Variants in SEMA4D observed in about 807,000 individuals in gnomAD.
The protein encoded by SEMA4D is semaphorin 4D.
A neutral mutation model predicts 74.8 loss-of-function variants in SEMA4D; 22 were observed. That is an observed-to-expected ratio of 0.29 (90% CI 0.21 to 0.42). SEMA4D has a LOEUF of 0.42. Ranked by LOEUF, SEMA4D falls within the 10% of genes least tolerant of loss-of-function variation. The pLI is 1.00. For missense variants in SEMA4D, 937 were observed against 1,118.4 expected (o/e 0.84, Z 2.31); for synonymous variants, 445 against 463.7 (o/e 0.96, Z 0.52).
In SEMA4D at chr9:89,378,246, A is replaced by G. The variant is rs1310262445; in HGVS notation, c.*458T>C. 1 of 155,206 alleles carries G rather than the reference A, an allele frequency of 6.4e-6. No individual in the cohort carries two copies. The highest frequency in any genetic ancestry group is 2.4e-5 in the African/African-American group (1 of 41,504). 9.6% of individuals were successfully genotyped at this position (155,206 alleles called of 1,614,324 possible). A position where few individuals can be genotyped will look rare whatever the true frequency, so the allele number is the denominator to read the frequency against. ...CTAAAAAAATAATTAAGTGGAAGAA[A>G]AGGTTCGTGCCAATCTGGACAACAG... On this transcript the variant is annotated 3_prime_UTR_variant, in exon 16 of 16. Coordinates refer to ENST00000422704, the MANE Select transcript of SEMA4D (RefSeq NM_001371194.2).
chr9:89,429,025 C>T (rs984155946), intron 2 of SEMA4D, among the ~76,000 whole-genome samples: 3 of 152,208 alleles, frequency 2.0e-5, no homozygotes, highest in Admixed American at 6.5e-5. Flanking sequence ...CTTCCACGCT[C>T]ACTCCTGGCC....
intron 2 of SEMA4D, among the ~76,000 whole-genome samples, chr9:89,432,868 G>A (rs1425928684): frequency 6.6e-6 from 1 of 152,182 alleles, no homozygotes; most frequent in Non-Finnish European, 1.5e-5. Flanking sequence ...ATTCCACTCT[G>A]GGTATGTACA....
At chr9:89,466,707 C>T (rs1041882919) in intron 1 of SEMA4D, among the ~76,000 whole-genome samples, 10 of 152,216 alleles carry the variant, frequency 6.6e-5, no homozygotes, top group Non-Finnish European at 1.0e-4. Context: ...AAACCCAGCA[C>T]ATGGAAACAT....
At chr9:89,460,291 C>T (rs1403897907) in intron 1 of SEMA4D, among the ~76,000 whole-genome samples, 5 of 150,876 alleles carry the variant, frequency 3.3e-5, no homozygotes, top group African/African-American at 1.2e-4. Flanking sequence ...TATCCCACCT[C>T]TGGTTCTTCG....
intron 1 of SEMA4D, among the ~76,000 whole-genome samples, chr9:89,479,220 C>T (rs1256111741): frequency 6.6e-6 from 1 of 152,200 alleles, no homozygotes; most frequent in Non-Finnish European, 1.5e-5. Context: ...GGTCACTCAG[C>T]CTCACACCCA....
intron 1 of SEMA4D, among the ~76,000 whole-genome samples, chr9:89,481,822 C>T (rs766338982): frequency 6.6e-6 from 1 of 152,236 alleles, no homozygotes; most frequent in Non-Finnish European, 1.5e-5. Context: ...GTGCTCTGCT[C>T]CTCTTCCCAG....
At chr9:89,476,277 G>C (rs1861725992) in intron 1 of SEMA4D, among the ~76,000 whole-genome samples, 2 of 152,192 alleles carry the variant, frequency 1.3e-5, no homozygotes, top group African/African-American at 4.8e-5. Context: ...GCCCACACTG[G>C]TTTATAAAAC....
Position 89,378,711 on chromosome 9 carries a change from C to G in SEMA4D, c.2582G>C (p.Gly861Ala). 6.2e-7 allele frequency: 1 copy of G among 1,613,546 alleles called. No homozygotes were observed. ...ELKFADSDAD[G>A]D The stretch of plus-strand genomic sequence containing the variant: ...GGGGATGCACAGCCGGCCTCAGTCT[C>G]CATCTGCGTCTGAGTCAGCGAACTT... The change falls in exon 16 of 16, where the codon GGA becomes GCA. Residue 861 changes from glycine (G) to alanine (A), a missense_variant. Physicochemically the swap from Gly to Ala is moderately conservative, Grantham distance 60 (BLOSUM62 0). Transcript: ENST00000422704.
intron 1 of SEMA4D, among the ~76,000 whole-genome samples, chr9:89,466,507 C>T (rs1034344171): frequency 2.0e-5 from 3 of 152,112 alleles, no homozygotes; most frequent in African/African-American, 4.8e-5. Flanking sequence ...CCATATGTAC[C>T]GAGGGCTGCC....
At chr9:89,383,706 C>CG (rs1837729271) in intron 13 of SEMA4D, among the ~76,000 whole-genome samples, 2 of 152,050 alleles carry the variant, frequency 1.3e-5, no homozygotes, top group South Asian at 2.1e-4. Flanking sequence ...TAGGTGGGGG[C>CG]GCTCAAGATC....
At chr9:89,467,422 G>GAGTT (rs1174229975) in intron 1 of SEMA4D, among the ~76,000 whole-genome samples, 1 of 147,562 alleles carries the variant, frequency 6.8e-6, no homozygotes, top group African/African-American at 2.5e-5. Flanking sequence ...CATGGTGGAG[G>GAGTT]AGTTGATTTC....
chr9:89,489,730 C>T (rs139729288), intron 1 of SEMA4D, among the ~76,000 whole-genome samples: 233 of 152,332 alleles, frequency 1.5e-3, no homozygotes, highest in African/African-American at 5.4e-3. Context: ...GAATATACCA[C>T]ATTTAGCTTA....
chr9:89,362,178 AT>A, exon 19 of SEMA4D: 2 of 646,772 alleles, frequency 3.1e-6, no homozygotes, highest in Non-Finnish European at 5.4e-6. Flanking sequence ...TAAGCACCTA[AT>A]TTTTTAAGTC....
chr9:89,470,298 A>G (rs1366932320), intron 1 of SEMA4D, among the ~76,000 whole-genome samples: 1 of 152,274 alleles, frequency 6.6e-6, no homozygotes, highest in Non-Finnish European at 1.5e-5. Flanking sequence ...TCAAGAAAAT[A>G]AACAACTCAA....
intron 12 of SEMA4D, 89 bp from the exon 13 acceptor site, chr9:89,386,571 C>T (rs1254911278): frequency 2.7e-6 from 2 of 753,710 alleles, no homozygotes; most frequent in African/African-American, 3.5e-5. Context: ...ACACTCTTCA[C>T]TCTCAAGTCA....
Position 89,470,913 on chromosome 9 carries a change from G to A in SEMA4D, c.-309-14960C>T, listed in dbSNP as rs138661091. Reference sequence around the variant, plus strand: ...GGGAGGGAGCTGAATATAAAGGGATGGTATGGGAAGTTTTCTTGGAGGATA... The same window carrying A: ...GGGAGGGAGCTGAATATAAAGGGATAGTATGGGAAGTTTTCTTGGAGGATA... On this transcript the variant is annotated intron_variant, in intron 1 of 15. Coordinates refer to ENST00000422704, the MANE Select transcript of SEMA4D (RefSeq NM_001371194.2). Among the ~76,000 whole-genome samples, 451 of 152,276 alleles carry A rather than the reference G, an allele frequency of 3.0e-3. 2 individuals are homozygous for A. The highest frequency in any genetic ancestry group is 0.01 in the African/African-American group (426 of 41,554).
intron 1 of SEMA4D, among the ~76,000 whole-genome samples, chr9:89,469,834 C>T (rs915511264): frequency 4.6e-5 from 7 of 152,144 alleles, no homozygotes; most frequent in Non-Finnish European, 1.0e-4. Flanking sequence ...ATGCTTTCAC[C>T]GAAAGTCGGA....
At chr9:89,478,885 A>C (rs1007732702) in intron 1 of SEMA4D, among the ~76,000 whole-genome samples, 2 of 150,742 alleles carry the variant, frequency 1.3e-5, no homozygotes, top group Non-Finnish European at 2.9e-5. Flanking sequence ...GCAACATGTT[A>C]CTACACTCCC....
At chr9:89,375,309 G>GT (rs1008903465), downstream of SEMA4D, among the ~76,000 whole-genome samples, 2 of 152,214 alleles carry the variant, frequency 1.3e-5, no homozygotes. Flanking sequence ...CCATTCAGCT[G>GT]TGAGAGCGGC....
Sources: allele counts gnomAD v4.1 joint callset (sites outside exome capture counted in the v4.1 genomes callset), GRCh38; gene constraint gnomAD v4.1.1; transcripts MANE v1.5; gene names NCBI Gene and HGNC (gene_info 2026-07-23, HGNC 2026-07-21).